Variants in ADAM15 observed in about 807,000 individuals in gnomAD.
ADAM15 encodes ADAM metallopeptidase domain 15, also known as disintegrin and metalloproteinase domain-containing protein 15.
Under a neutral mutation model 113.8 loss-of-function variants are expected in ADAM15, and 77 were observed. The observed-to-expected ratio is 0.68, with a 90% CI of 0.56 to 0.82. ADAM15 has a LOEUF of 0.82. Ranked by LOEUF, ADAM15 falls within the 40% of genes least tolerant of loss-of-function variation. ADAM15 has a pLI of 0.00. For synonymous variants in ADAM15, 388 were observed against 454.1 expected, an observed-to-expected ratio of 0.85 and a Z score of 1.85; for missense variants, 963 against 1,120.1, an observed-to-expected ratio of 0.86 and a Z score of 2.00.
At chr1:155,055,107 C>T (rs990604113) in intron 6 of ADAM15, among the ~76,000 whole-genome samples, 1 of 152,080 alleles carries the variant, frequency 6.6e-6, no homozygotes, top group African/African-American at 2.4e-5. Flanking sequence ...AATAAAACTA[C>T]TTGCTGCATA....
rs1203908290 is a variant in ADAM15 at position 155,062,682 on chromosome 1, G to T, written c.*180G>T. On this transcript the variant is annotated 3_prime_UTR_variant, in exon 23 of 23. Transcript: ENST00000356955. This position sits in a 1 kb window ranked among gnomAD's most constrained non-coding sequence, Gnocchi z 7.0. The stretch of plus-strand genomic sequence containing the variant: ...ACCTGCCGGCGTAGTTGCAGCGGGG[G>T]CTTGGGGAGGGGCTGGGGGTTGGAC... 3.5e-6 allele frequency: 3 copies of T among 856,970 alleles called. No individual in the cohort carries two copies. The highest frequency in any genetic ancestry group is 1.7e-5 in the African/African-American group (1 of 58,938). The allele number at this position is 856,970 out of a possible 1,614,324, so 53.1% of individuals were successfully genotyped here.
Position 155,058,444 on chromosome 1 carries a change from G to A in ADAM15, c.1917+3G>A, listed in dbSNP as rs1662091565. 1 of 1,610,354 alleles carries A rather than the reference G, an allele frequency of 6.2e-7. No homozygotes were observed. The highest frequency in any genetic ancestry group is 8.5e-7 in the Non-Finnish European group (1 of 1,179,978). On this transcript the variant is annotated splice_donor_region_variant and intron_variant, in intron 15 of 22. Transcript: ENST00000356955. This position sits in a 1 kb window ranked among gnomAD's most constrained non-coding sequence, Gnocchi z 4.3. ...GCACAGCCTGTGGCCCTGGCCTGGT[G>A]AGCAGCCTGGGTGGGCAAGACCAGG...
Position 155,057,873 on chromosome 1 carries a change from G to A in ADAM15, c.1439G>A (p.Cys480Tyr). The A allele has an allele frequency of 6.2e-7, 1 of 1,613,376 alleles. No individual in the cohort carries two copies. The highest frequency in any genetic ancestry group is 8.5e-7 in the Non-Finnish European group (1 of 1,179,888). Residue 480 changes from cysteine (C) to tyrosine (Y), a missense_variant, in exon 14 of 23, where the codon TGT becomes TAT. Cys to Tyr is a radical substitution (Grantham distance 194). Coordinates refer to ENST00000356955, the MANE Select transcript of ADAM15 (RefSeq NM_207197.3). This position sits in a 1 kb window ranked among gnomAD's most constrained non-coding sequence, Gnocchi z 5.0. ...NCQLRPSGWQ[C>Y]RPTRGDCDLP... Reference sequence around the variant, plus strand: ...CAGCTGCGCCCGTCTGGCTGGCAGTGTCGTCCTACCAGAGGGGATTGTGAC... The same window carrying A: ...CAGCTGCGCCCGTCTGGCTGGCAGTATCGTCCTACCAGAGGGGATTGTGAC...
Position 155,062,095 on chromosome 1 carries a change from G to T in ADAM15, c.2424+120G>T, listed in dbSNP as rs1372002182. 2.0e-6 allele frequency: 3 copies of T among 1,484,830 alleles called. No individual in the cohort carries two copies. The highest frequency in any genetic ancestry group is 1.4e-5 in the South Asian group (1 of 71,104). The allele number at this position is 1,484,830 out of a possible 1,614,324, so 92.0% of individuals were successfully genotyped here. On this transcript the variant is annotated intron_variant, in intron 21 of 22. Transcript: ENST00000356955. This position sits in a 1 kb window ranked among gnomAD's most constrained non-coding sequence, Gnocchi z 7.0. ...CTCAGTGCATGAGGGCACATATCCCGGTGGTGCCTTTAATGGTGACAGGTT... is the reference window on the plus strand; with the variant it reads ...CTCAGTGCATGAGGGCACATATCCCTGTGGTGCCTTTAATGGTGACAGGTT...
intron 16 of ADAM15, among the ~76,000 whole-genome samples, chr1:155,059,571 G>A (rs767375065): frequency 7.2e-5 from 11 of 152,162 alleles, no homozygotes; most frequent in African/African-American, 2.7e-4. Context: ...TGGGGCTGCA[G>A]TGAGCCATAA....
At chr1:155,052,369 A>C in intron 1 of ADAM15, 1 of 825,462 alleles carries the variant, frequency 1.2e-6, no homozygotes, top group Non-Finnish European at 1.9e-6. Flanking sequence ...GGGAGTGGGA[A>C]CCGGGGAGGG....
chr1:155,060,396 A>G, intron 18 of ADAM15, 53 bp downstream of exon 18: 1 of 1,601,196 alleles, frequency 6.2e-7, no homozygotes, highest in Non-Finnish European at 8.5e-7. Context: ...ACAGTGCTGA[A>G]GGCTGCCTCA....
chr1:155,058,482 C>T lies in ADAM15; in HGVS notation c.1917+41C>T. 6.2e-7 allele frequency: 1 copy of T among 1,601,170 alleles called. No homozygotes were observed. Among genetic ancestry groups the T allele is most frequent in the Non-Finnish European group, 8.5e-7 (1 of 1,177,720 alleles). ...GGGCAAGACCAGGTGTGAGAAGGGACATTTGGACCACAATGAACAGAGCCC... is the reference window on the plus strand; with the variant it reads ...GGGCAAGACCAGGTGTGAGAAGGGATATTTGGACCACAATGAACAGAGCCC... On this transcript the variant is annotated intron_variant, in intron 15 of 22. Transcript: ENST00000356955. The surrounding 1 kb of genome is among the most constrained non-coding windows in gnomAD (Gnocchi z 4.3).
At chr1:155,053,337 TG>T in intron 2 of ADAM15, 79 bp from the exon 3 acceptor site, 1 of 1,320,302 alleles carries the variant, frequency 7.6e-7, no homozygotes, top group Non-Finnish European at 1.1e-6. Flanking sequence ...TGCTCTTCTG[TG>T]GGCCTGAGGT....
chr1:155,052,075 A>T (rs903999175), intron 1 of ADAM15: 2 of 154,884 alleles, frequency 1.3e-5, no homozygotes, highest in African/African-American at 5.2e-5. Context: ...TTGGGCCGGG[A>T]CCGAGAGGGC....
chr1:155,053,616 C>T (rs1661381268), intron 3 of ADAM15, 123 bp downstream of exon 3: 2 of 1,003,672 alleles, frequency 2.0e-6, no homozygotes, highest in South Asian at 1.4e-5. Flanking sequence ...AAGGGATATA[C>T]TATCATGTAT....
chr1:155,052,803 A>C, intron 2 of ADAM15, 26 bp downstream of exon 2: 1 of 1,589,048 alleles, frequency 6.3e-7, no homozygotes, highest in East Asian at 2.3e-5. Flanking sequence ...CCTCTAATAA[A>C]TAAACGAATC....
At chr1:155,051,567 A>C in intron 1 of ADAM15, 102 bp downstream of exon 1, 1 of 1,153,354 alleles carries the variant, frequency 8.7e-7, no homozygotes, top group Non-Finnish European at 1.2e-6. Context: ...ACCCTGGGAG[A>C]GCCCAGCCAG....
chr1:155,061,995 A>G lies in ADAM15; in HGVS notation c.2424+20A>G. The G allele has an allele frequency of 6.4e-7, 1 of 1,557,940 alleles. No homozygotes were observed. Among genetic ancestry groups the G allele is most frequent in the Non-Finnish European group, 8.7e-7 (1 of 1,149,312 alleles). ...CCGAAGGTAACGGTGGGGGGAGAGA[A>G]GGGCACGGCCTCTCCCCCCACCTAG... On this transcript the variant is annotated intron_variant, in intron 21 of 22. Transcript: ENST00000356955.
chr1:155,052,560 G>A, intron 1 of ADAM15, 111 bp from the exon 2 acceptor site: 1 of 1,550,676 alleles, frequency 6.4e-7, no homozygotes, highest in Non-Finnish European at 8.7e-7. Flanking sequence ...AGCCCCTCAG[G>A]TACCTAAGGG....
At chr1:155,055,218 A>AATT (rs71077976) in intron 6 of ADAM15, among the ~76,000 whole-genome samples, 65,298 of 148,074 alleles carry the variant, frequency 0.44, 15,436 homozygotes, top group Non-Finnish European at 0.52. Context: ...GATTTTTAAA[A>AATT]ATTATTATTA....
At position 155,057,718 on chromosome 1, in the gene ADAM15, C is replaced by A; in HGVS notation, c.1405C>A (p.Gln469Lys). Residue 469 changes from glutamine to lysine, a missense_variant, in exon 13 of 23, where the codon CAA (glutamine) becomes AAA (lysine). Physicochemically the swap from Gln to Lys is moderately conservative, Grantham distance 53 (BLOSUM62 1). Transcript: ENST00000356955. The surrounding 1 kb of genome is among the most constrained non-coding windows in gnomAD (Gnocchi z 5.0). The part of the protein sequence containing the change: ...AQCASDGPCC[Q>K]NCQLRPSGWQ... ...GTGTGCATCTGACGGACCCTGTTGT[C>A]AAAATTGCCAGGTGGGTAGAGACTA... is the stretch of plus-strand genomic sequence containing the variant. 1 of 1,614,208 alleles carries A rather than the reference C, an allele frequency of 6.2e-7. No homozygotes were observed. Among genetic ancestry groups the A allele is most frequent in the Non-Finnish European group, 8.5e-7 (1 of 1,180,054 alleles).
rs200408675 is a variant in ADAM15, at chr1:155,060,390, T to G, written c.2207+47T>G. 42 of 1,602,194 alleles carry G rather than the reference T, an allele frequency of 2.6e-5. No individual in the cohort carries two copies. In the East Asian group the frequency reaches 9.4e-4, roughly 36 times the overall value. On this transcript the variant is annotated intron_variant, in intron 18 of 22. Coordinates refer to ENST00000356955, the MANE Select transcript of ADAM15 (RefSeq NM_207197.3). ...TACCACTTCCTTCAACTGGGGACAGTGCTGAAGGCTGCCTCACCTCTGCAG... is the reference window on the plus strand; with the variant it reads ...TACCACTTCCTTCAACTGGGGACAGGGCTGAAGGCTGCCTCACCTCTGCAG...
chr1:155,054,481 C>A lies in ADAM15; in HGVS notation c.587C>A (p.Pro196His). ...SVHTQKPPEH[P>H]LGQRHIRRRR... ...CACACTCAGAAGCCACCAGAGCACC[C>A]CCTGGGACAGCGCCACATTCGCCGG... Residue 196 changes from proline (P) to histidine (H), a missense_variant, in exon 6 of 23, where the codon CCC becomes CAC. By Grantham distance (77) the Pro-to-His change is moderately conservative. Transcript: ENST00000356955. 6.3e-7 allele frequency: 1 copy of A among 1,584,590 alleles called. No homozygotes were observed. Among genetic ancestry groups the A allele is most frequent in the African/African-American group, 1.4e-5 (1 of 73,888 alleles).
Sources: gnomAD v4.1 joint callset for allele counts (sites outside exome capture counted in the v4.1 genomes callset) on GRCh38, gnomAD v4.1.1 for gene constraint, Gnocchi (gnomAD v3.1) non-coding constraint, MANE v1.5 for transcripts, NCBI Gene and HGNC (gene_info 2026-07-23, HGNC 2026-07-21) for gene names.